Variants in NOM1 observed in about 807,000 individuals in gnomAD.
The protein encoded by NOM1 is nucleolar protein with MIF4G domain 1.
Under a neutral mutation model 73.3 loss-of-function variants are expected in NOM1, and 58 were observed. The ratio of observed to expected loss-of-function variants is 0.79; its 90% confidence interval spans 0.64 to 0.99. The LOEUF is 0.99. Among genes scored for constraint, NOM1 ranks in the 50% least tolerant of loss-of-function variants. The probability of loss-of-function intolerance (pLI) is 0.00; values close to 1 mark genes in which losing one functional copy is unlikely to be tolerated. For missense variants in NOM1, 1,226 were observed against 1,131.9 expected (o/e 1.08, Z -1.19); for synonymous variants, 487 against 446.8 (o/e 1.09, Z -1.14).
chr7:156,966,250 A>G lies in NOM1; in HGVS notation c.2034-20A>G. 1 of 1,612,574 alleles carries G rather than the reference A, an allele frequency of 6.2e-7. No homozygotes were observed. Among genetic ancestry groups the G allele is most frequent in the Non-Finnish European group, 8.5e-7 (1 of 1,179,918 alleles). On this transcript the variant is annotated intron_variant, in intron 7 of 10. Coordinates refer to ENST00000275820, the MANE Select transcript of NOM1 (RefSeq NM_138400.2). ...TTGGAAGTCGAGTGATGTTCCAGTCATTGCTGTTCTGTTTTCTAGGCTTGG... is the reference window on the plus strand; with the variant it reads ...TTGGAAGTCGAGTGATGTTCCAGTCGTTGCTGTTCTGTTTTCTAGGCTTGG...
chr7:156,960,780 G>T (rs1804844789), intron 4 of NOM1, among the ~76,000 whole-genome samples: 1 of 152,186 alleles, frequency 6.6e-6, no homozygotes, highest in African/African-American at 2.4e-5. Flanking sequence ...TTTTCCTTCT[G>T]ATGGTCACTT....
At position 156,966,367 on chromosome 7, in the gene NOM1, G is replaced by T; in HGVS notation, c.2131G>T (p.Ala711Ser). Reference sequence around the variant, plus strand: ...TTACAATCCCTTCTATGCTTTCCTGGCTAGCAAATTCTGTGAATATGAAAG... The same window carrying T: ...TTACAATCCCTTCTATGCTTTCCTGTCTAGCAAATTCTGTGAATATGAAAG... ...KTYNPFYAFL[A>S]SKFCEYERRF... is the part of the protein sequence containing the mutation. The change falls in exon 8 of 11, where the codon GCT becomes TCT. Residue 711 changes from alanine to serine, a missense_variant. Transcript: ENST00000275820. 6.2e-7 allele frequency: 1 copy of T among 1,614,150 alleles called. No homozygotes were observed. Among genetic ancestry groups the T allele is most frequent in the Non-Finnish European group, 8.5e-7 (1 of 1,180,028 alleles).
intron 6 of NOM1, 142 bp from the exon 7 acceptor site, chr7:156,963,763 T>G: frequency 1.2e-6 from 1 of 859,876 alleles, no homozygotes; most frequent in South Asian, 2.0e-5. Context: ...CAGAGGGGCG[T>G]TGCCCGAGAG....
At chr7:156,962,578 C>G (rs1456834821) in intron 5 of NOM1, among the ~76,000 whole-genome samples, 8 of 152,198 alleles carry the variant, frequency 5.3e-5, no homozygotes, top group African/African-American at 1.9e-4. Flanking sequence ...CCATCCGGAC[C>G]AAGGAAATTG....
rs773544472 is a variant in NOM1, at chr7:156,950,649, G to A, written c.912G>A (p.Arg304=). The part of the protein sequence containing the change: ...EKEKGAQEKR[R]GKRVRFAEDE... Reference sequence around the variant, plus strand: ...AAAAGGGAGCGCAGGAGAAAAGGAGGGGGAAGAGAGTCCGTTTTGCAGAAG... The same window carrying A: ...AAAAGGGAGCGCAGGAGAAAAGGAGAGGGAAGAGAGTCCGTTTTGCAGAAG... Residue 304 remains arginine, a synonymous_variant, in exon 1 of 11, where the codon AGG becomes AGA. Coordinates refer to ENST00000275820, the MANE Select transcript of NOM1 (RefSeq NM_138400.2). 1.3e-6 allele frequency: 2 copies of A among 1,553,580 alleles called. No individual in the cohort carries two copies. The highest frequency in any genetic ancestry group is 2.4e-5 in the South Asian group (2 of 84,534).
intron 4 of NOM1, 95 bp from the exon 5 acceptor site, chr7:156,962,056 A>C: frequency 2.1e-6 from 2 of 950,458 alleles, no homozygotes; most frequent in Non-Finnish European, 3.4e-6. Flanking sequence ...GGTGGCGGCC[A>C]TGTGCATCAG....
At chr7:156,954,499 TTTGCTTTTTTG>T (rs1804671105) in intron 3 of NOM1, among the ~76,000 whole-genome samples, 1 of 35,650 alleles carries the variant, frequency 2.8e-5, no homozygotes, top group African/African-American at 1.0e-4. Flanking sequence ...TTTGCTTAAC[TTTGCTTTTTTG>T]TTCTGTCCAT....
rs747934881 is a variant in NOM1, at chr7:156,950,495, G to A, written c.758G>A (p.Ser253Asn). The A allele has an allele frequency of 3.1e-6, 5 of 1,613,978 alleles. No homozygotes were observed. The highest frequency in any genetic ancestry group is 4.2e-6 in the Non-Finnish European group (5 of 1,179,886). Residue 253 changes from serine (S) to asparagine (N), a missense_variant, in exon 1 of 11, where the codon AGT becomes AAT. Ser to Asn is a conservative substitution (Grantham distance 46). Transcript: ENST00000275820. ...GQTLPESDLESDSQDESEEEE... is the reference protein window; with the variant it reads ...GQTLPESDLENDSQDESEEEE... ...ACACTCCCCGAAAGTGACTTAGAGA[G>A]TGACTCCCAGGACGAAAGTGAGGAG...
At chr7:156,957,482 T>C (rs775120695) in intron 3 of NOM1, among the ~76,000 whole-genome samples, 6 of 152,146 alleles carry the variant, frequency 3.9e-5, no homozygotes, top group Non-Finnish European at 7.3e-5. Context: ...ATATACATAA[T>C]TGAAAACATA....
Position 156,950,197 on chromosome 7 carries a change from A to ACGGCCG in NOM1, c.462_467dup (p.Ala155_Ala156dup). On this transcript the variant is annotated inframe_insertion, in exon 1 of 11. Coordinates refer to ENST00000275820, the MANE Select transcript of NOM1 (RefSeq NM_138400.2). Reference sequence around the variant, plus strand: ...GCCGTCCCGGGTCAAGGCCAAGGCCACGGCCGCCACCGCAAAGACCAGACC... The same window carrying ACGGCCG: ...GCCGTCCCGGGTCAAGGCCAAGGCCACGGCCGCGGCCGCCACCGCAAAGACCAGACC... 6.2e-7 allele frequency: 1 copy of ACGGCCG among 1,609,290 alleles called. No individual in the cohort carries two copies. Among genetic ancestry groups the ACGGCCG allele is most frequent in the Non-Finnish European group, 8.5e-7 (1 of 1,179,418 alleles).
intron 2 of NOM1, 117 bp downstream of exon 2, chr7:156,952,715 C>A: frequency 8.7e-7 from 1 of 1,147,892 alleles, no homozygotes; most frequent in Non-Finnish European, 1.2e-6. Context: ...TGGATCCTTT[C>A]TGTTCTTGGC....
chr7:156,950,023 C>A lies in NOM1; in HGVS notation c.286C>A (p.Arg96Ser). 6.5e-7 allele frequency: 1 copy of A among 1,541,818 alleles called. No individual in the cohort carries two copies. Among genetic ancestry groups the A allele is most frequent in the Non-Finnish European group, 8.7e-7 (1 of 1,146,872 alleles). Residue 96 changes from arginine to serine, a missense_variant, in exon 1 of 11, where the codon CGC becomes AGC. Arg to Ser is a moderately radical substitution (Grantham distance 110). Transcript: ENST00000275820. ...GGAGAAGCGGCACCTGCGGAAAGCA[C>A]GCCGGCTGCAGAGGACGGCGGGCCC... ...RKEKRHLRKA[R>S]RLQRTAGPEQ...
In NOM1 at chr7:156,966,368, C is replaced by G. The variant is rs1227928496; in HGVS notation, c.2132C>G (p.Ala711Gly). 6 of 1,614,216 alleles carry G rather than the reference C, an allele frequency of 3.7e-6. No homozygotes were observed. Among genetic ancestry groups the G allele is most frequent in the Non-Finnish European group, 5.1e-6 (6 of 1,180,036 alleles). The change falls in exon 8 of 11, where the codon GCT becomes GGT. Residue 711 changes from alanine to glycine, a missense_variant. Coordinates refer to ENST00000275820, the MANE Select transcript of NOM1 (RefSeq NM_138400.2). ...KTYNPFYAFL[A>G]SKFCEYERRF... ...TACAATCCCTTCTATGCTTTCCTGG[C>G]TAGCAAATTCTGTGAATATGAAAGG... is the stretch of plus-strand genomic sequence containing the variant.
chr7:156,950,514 TGAGGAG>T lies in NOM1; in HGVS notation c.788_793del (p.Glu263_Glu264del). The T allele has an allele frequency of 6.2e-7, 1 of 1,610,290 alleles. No individual in the cohort carries two copies. The highest frequency in any genetic ancestry group is 8.5e-7 in the Non-Finnish European group (1 of 1,178,828). ...TAGAGAGTGACTCCCAGGACGAAAG[TGAGGAG>T]GAGGAGGAGGGAGACGTAGAAAAGG... On this transcript the variant is annotated inframe_deletion, in exon 1 of 11. Coordinates refer to ENST00000275820, the MANE Select transcript of NOM1 (RefSeq NM_138400.2).
In NOM1 at chr7:156,950,017, A is replaced by C. The variant is rs773846958; in HGVS notation, c.280A>C (p.Lys94Gln). 6.5e-7 allele frequency: 1 copy of C among 1,541,482 alleles called. No individual in the cohort carries two copies. Among genetic ancestry groups the C allele is most frequent in the South Asian group, 1.2e-5 (1 of 84,122 alleles). Reference sequence around the variant, plus strand: ...GAGGAAGGAGAAGCGGCACCTGCGGAAAGCACGCCGGCTGCAGAGGACGGC... The same window carrying C: ...GAGGAAGGAGAAGCGGCACCTGCGGCAAGCACGCCGGCTGCAGAGGACGGC... ...ELRKEKRHLRKARRLQRTAGP... is the reference protein window; with the variant it reads ...ELRKEKRHLRQARRLQRTAGP... Residue 94 changes from lysine to glutamine, a missense_variant, in exon 1 of 11, where the codon AAA becomes CAA. Coordinates refer to ENST00000275820, the MANE Select transcript of NOM1 (RefSeq NM_138400.2).
chr7:156,962,112 T>C (rs1804879221), intron 4 of NOM1, 39 bp from the exon 5 acceptor site: 7 of 1,570,314 alleles, frequency 4.5e-6, no homozygotes, highest in Non-Finnish European at 6.1e-6. Flanking sequence ...TTAGACTGTT[T>C]GAAATGATGG....
rs148705112 is a variant in NOM1, at chr7:156,960,265, A to G, written c.1632+91A>G. 5.5e-3 allele frequency: 5,830 copies of G among 1,052,836 alleles called. 28 individuals are homozygous for G. The highest frequency in any genetic ancestry group is 7.2e-3 in the Non-Finnish European group (5,120 of 708,164). The allele number at this position is 1,052,836 out of a possible 1,614,324, so 65.2% of individuals were successfully genotyped here. On this transcript the variant is annotated intron_variant, in intron 4 of 10. Coordinates refer to ENST00000275820, the MANE Select transcript of NOM1 (RefSeq NM_138400.2). Reference sequence around the variant, plus strand: ...AATCAGTATCTGGGGTAAATATTACACTTGCTTTCCTAGTGATTTCTGTTT... The same window carrying G: ...AATCAGTATCTGGGGTAAATATTACGCTTGCTTTCCTAGTGATTTCTGTTT...
At position 156,954,863 on chromosome 7, in the gene NOM1, A is replaced by G. The variant is rs551010171; in HGVS notation, c.1308+565A>G. On this transcript the variant is annotated intron_variant, in intron 3 of 10. Transcript: ENST00000275820. ...TTAGTTAATTTTCTTCTCGACTGACATCTCAGACGTGCCTTCATTTCCTTT... is the reference window on the plus strand; with the variant it reads ...TTAGTTAATTTTCTTCTCGACTGACGTCTCAGACGTGCCTTCATTTCCTTT... 2.0e-5 allele frequency among the ~76,000 whole-genome samples: 3 copies of G among 152,328 alleles called. No individual in the cohort carries two copies. In the South Asian group the frequency reaches 6.2e-4, roughly 32 times the overall value.
At chr7:156,958,581 G>A (rs1338186722) in intron 3 of NOM1, 1 of 152,216 alleles carries the variant, frequency 6.6e-6, no homozygotes, top group Non-Finnish European at 1.5e-5. Context: ...CTGCCTTCAA[G>A]TTTTATTATC....
Sources: gnomAD v4.1 joint callset for allele counts (sites outside exome capture counted in the v4.1 genomes callset) on GRCh38, gnomAD v4.1.1 for gene constraint, MANE v1.5 for transcripts, NCBI Gene and HGNC (gene_info 2026-07-23, HGNC 2026-07-21) for gene names.